The following CALD1 variants were observed in gnomAD, a reference collection of about 807,000 sequenced individuals.
CALD1 encodes the protein caldesmon 1.
Under a neutral mutation model 99.9 loss-of-function variants are expected in CALD1, and 33 were observed. That is an observed-to-expected ratio of 0.33 (90% CI 0.25 to 0.44). CALD1 has a LOEUF of 0.44. Ranked by LOEUF, CALD1 falls within the 20% of genes least tolerant of loss-of-function variation. CALD1 has a pLI of 1.00. For synonymous variants in CALD1, 310 were observed against 325.0 expected (o/e 0.95, Z 0.50); for missense variants, 861 against 962.1 (o/e 0.89, Z 1.39).
intron 3 of CALD1, among the ~76,000 whole-genome samples, chr7:134,876,891 G>A (rs1364729940): frequency 2.6e-5 from 4 of 152,270 alleles, no homozygotes; most frequent in African/African-American, 9.6e-5. Context: ...GGGAGGATGG[G>A]ACAGATTTGG....
At chr7:134,785,808 C>T (rs905825032) in intron 1 of CALD1, among the ~76,000 whole-genome samples, 7 of 152,156 alleles carry the variant, frequency 4.6e-5, no homozygotes, top group South Asian at 2.1e-4. Flanking sequence ...ACATAAATAT[C>T]TTCTAATATT....
At chr7:134,749,155 A>G (rs1796662428) in intron 1 of CALD1, among the ~76,000 whole-genome samples, 2 of 152,270 alleles carry the variant, frequency 1.3e-5, no homozygotes, top group South Asian at 4.1e-4. Flanking sequence ...TTCTGGAAAG[A>G]GGAATCTAGT....
intron 1 of CALD1, among the ~76,000 whole-genome samples, chr7:134,795,341 T>C (rs1049543713): frequency 1.5e-4 from 23 of 152,198 alleles, no homozygotes; most frequent in African/African-American, 5.3e-4. Flanking sequence ...GATGGTTTTA[T>C]ACAGGGGAGT....
chr7:134,815,766 G>A (rs1031441874), intron 1 of CALD1, among the ~76,000 whole-genome samples: 1 of 152,014 alleles, frequency 6.6e-6, no homozygotes. Context: ...TAGAGAAAAT[G>A]AAAATATAGA....
At chr7:134,808,449 T>G (rs1585994062) in intron 1 of CALD1, among the ~76,000 whole-genome samples, 1 of 152,140 alleles carries the variant, frequency 6.6e-6, no homozygotes, top group East Asian at 1.9e-4. Flanking sequence ...CTTTTGCACT[T>G]TAAGCAAAAG....
intron 1 of CALD1, among the ~76,000 whole-genome samples, chr7:134,838,162 C>T (rs1405991265): frequency 6.6e-6 from 1 of 151,986 alleles, no homozygotes; most frequent in African/African-American, 2.4e-5. Flanking sequence ...ACATCTTGTC[C>T]CTCTTATCTA....
chr7:134,805,830 G>A (rs1006866175), intron 1 of CALD1, among the ~76,000 whole-genome samples: 2 of 151,510 alleles, frequency 1.3e-5, no homozygotes, highest in Non-Finnish European at 2.9e-5. Flanking sequence ...GTGTGATCTC[G>A]GCTCACTGCA....
intron 1 of CALD1, among the ~76,000 whole-genome samples, chr7:134,813,801 C>A (rs763111837): frequency 6.6e-6 from 1 of 152,080 alleles, no homozygotes; most frequent in Non-Finnish European, 1.5e-5. Context: ...AGCTTAGCTG[C>A]GTGTTTTCCT....
the CALD1 span, among the ~76,000 whole-genome samples, chr7:134,729,210 A>G: frequency 6.6e-6 from 1 of 152,234 alleles, no homozygotes; most frequent in Non-Finnish European, 1.5e-5. Context: ...ACTACTACTT[A>G]CTGGCACTAC....
chr7:134,912,140 T>C (rs1443045694), intron 3 of CALD1, among the ~76,000 whole-genome samples: 1 of 152,232 alleles, frequency 6.6e-6, no homozygotes, highest in Non-Finnish European at 1.5e-5. Flanking sequence ...TTATGCTTTC[T>C]GGCACGAGCA....
intron 1 of CALD1, among the ~76,000 whole-genome samples, chr7:134,842,400 A>G (rs1306272068): frequency 1.3e-5 from 2 of 152,264 alleles, no homozygotes; most frequent in Non-Finnish European, 2.9e-5. Flanking sequence ...TACCACTGAA[A>G]AATACTTAAC....
chr7:134,829,333 A>G (rs1312136427), intron 1 of CALD1, among the ~76,000 whole-genome samples: 1 of 152,264 alleles, frequency 6.6e-6, no homozygotes, highest in Non-Finnish European at 1.5e-5. Flanking sequence ...TACCTTGGCA[A>G]TAAATGGATA....
intron 7 of CALD1, among the ~76,000 whole-genome samples, chr7:134,946,841 C>T (rs1028658570): frequency 1.6e-4 from 25 of 151,610 alleles, no homozygotes; most frequent in African/African-American, 5.8e-4. Context: ...CCGCCACGCC[C>T]GGCTAATTTT....
chr7:134,952,723 T>C (rs1342299159), intron 9 of CALD1, among the ~76,000 whole-genome samples: 1 of 151,948 alleles, frequency 6.6e-6, no homozygotes, highest in Admixed American at 6.6e-5. Flanking sequence ...CCCACCTTGG[T>C]CTCCCAAAGT....
At chr7:134,946,839 C>T (rs978519709) in intron 7 of CALD1, among the ~76,000 whole-genome samples, 1 of 151,812 alleles carries the variant, frequency 6.6e-6, no homozygotes, top group Non-Finnish European at 1.5e-5. Flanking sequence ...CGCCGCCACG[C>T]CCGGCTAATT....
intron 12 of CALD1, 56 bp downstream of exon 12, chr7:134,960,167 G>A (rs774142465): frequency 6.9e-6 from 11 of 1,585,952 alleles, no homozygotes; most frequent in South Asian, 2.2e-5. Flanking sequence ...TTTGCATGTC[G>A]ATTTTGATTT....
the CALD1 span, among the ~76,000 whole-genome samples, chr7:134,712,908 TTA>T: frequency 6.6e-6 from 1 of 152,154 alleles, no homozygotes; most frequent in African/African-American, 2.4e-5. Context: ...AAAATAAACT[TTA>T]TGTGTTTTAT....
chr7:134,866,052 A>T (rs1423456065), intron 2 of CALD1, among the ~76,000 whole-genome samples: 1 of 152,162 alleles, frequency 6.6e-6, no homozygotes, highest in Non-Finnish European at 1.5e-5. Flanking sequence ...CTACCCTCCC[A>T]CTGCACCTGG....
At chr7:134,755,728 TTG>T (rs1796721922) in intron 1 of CALD1, among the ~76,000 whole-genome samples, 1 of 152,230 alleles carries the variant, frequency 6.6e-6, no homozygotes, top group African/African-American at 2.4e-5. Flanking sequence ...TACATTTTAC[TTG>T]TGTTATTTTT....
Sources: gnomAD v4.1 joint callset for allele counts (sites outside exome capture counted in the v4.1 genomes callset) on GRCh38, gnomAD v4.1.1 for gene constraint, MANE v1.5 for transcripts, NCBI Gene and HGNC (gene_info 2026-07-23, HGNC 2026-07-21) for gene names.